Variants in NUP58 observed in about 807,000 individuals in gnomAD.
NUP58 encodes the protein nucleoporin 58, also known as nucleoporin p58/p45.
A neutral mutation model predicts 70.1 loss-of-function variants in NUP58; 17 were observed. That is an observed-to-expected ratio of 0.24 (90% confidence interval 0.17 to 0.36). The LOEUF (loss-of-function observed/expected upper bound fraction) is 0.36. Among genes scored for constraint, NUP58 ranks in the 10% least tolerant of loss-of-function variants. NUP58 has a pLI of 1.00. For missense variants in NUP58, 644 were observed against 701.5 expected (o/e 0.92, Z 0.93); for synonymous variants, 275 against 257.6 (o/e 1.07, Z -0.65).
chr13:25,327,329 A>G (rs2031434120), intron 11 of NUP58, 101 bp from the exon 12 acceptor site: 1 of 673,408 alleles, frequency 1.5e-6, no homozygotes, highest in South Asian at 2.3e-5. Flanking sequence ...TTTTTCTCCT[A>G]CACGTTAACT....
In NUP58 at chr13:25,340,162, A is replaced by G. The variant is rs777379832; in HGVS notation, c.*28A>G. Reference sequence around the variant, plus strand: ...ATGGGTTGATGTGTTGAGAGAATCCATAGCAGCACCGTTCATTCTATGAGT... The same window carrying G: ...ATGGGTTGATGTGTTGAGAGAATCCGTAGCAGCACCGTTCATTCTATGAGT... On this transcript the variant is annotated 3_prime_UTR_variant, in exon 16 of 16. Coordinates refer to ENST00000381736, the MANE Select transcript of NUP58 (RefSeq NM_014089.4). 4 of 1,565,386 alleles carry G rather than the reference A, an allele frequency of 2.6e-6. No individual in the cohort carries two copies. Among genetic ancestry groups the G allele is most frequent in the South Asian group, 2.4e-5 (2 of 84,070 alleles).
chr13:25,304,932 G>A (rs944324043), intron 1 of NUP58, among the ~76,000 whole-genome samples: 5 of 152,100 alleles, frequency 3.3e-5, no homozygotes, highest in African/African-American at 1.2e-4. Flanking sequence ...TACCAGCTAA[G>A]CTAAATGTTT....
At position 25,340,210 on chromosome 13, in the gene NUP58, A is replaced by T; in HGVS notation, c.*76A>T. 8.2e-7 allele frequency: 1 copy of T among 1,219,968 alleles called. No individual in the cohort carries two copies. Among genetic ancestry groups the T allele is most frequent in the Non-Finnish European group, 1.1e-6 (1 of 915,250 alleles). 75.6% of individuals were successfully genotyped at this position (1,219,968 alleles called of 1,614,324 possible). ...AGTCTATTTTTCTAATGATGCAGTA[A>T]TTAAATTGCATCCCAGGAGATTTAT... On this transcript the variant is annotated 3_prime_UTR_variant, in exon 16 of 16. Transcript: ENST00000381736.
intron 13 of NUP58, chr13:25,335,551 C>A: frequency 1.0e-6 from 1 of 984,124 alleles, no homozygotes; most frequent in Non-Finnish European, 1.2e-6. Context: ...ATTTTATTCT[C>A]AAAGTGATCT....
chr13:25,346,262 C>A (rs1436188626), downstream of NUP58, among the ~76,000 whole-genome samples: 2 of 152,064 alleles, frequency 1.3e-5, no homozygotes, highest in African/African-American at 4.8e-5. Context: ...TAGTGTTGTT[C>A]CTTTTTTTTA....
At chr13:25,337,077 T>G in intron 14 of NUP58, 43 bp downstream of exon 14, 1 of 1,372,480 alleles carries the variant, frequency 7.3e-7, no homozygotes. Context: ...CTATTATATA[T>G]TTGAATTGAT....
intron 3 of NUP58, among the ~76,000 whole-genome samples, chr13:25,310,325 A>G (rs771690161): frequency 1.4e-5 from 2 of 139,864 alleles, no homozygotes; most frequent in Non-Finnish European, 3.0e-5. Context: ...GGTTCAAGTG[A>G]TTCTCTTGCC....
At chr13:25,339,935 G>T (rs750434712) in intron 15 of NUP58, 30 bp from the exon 16 acceptor site, 2 of 1,530,596 alleles carry the variant, frequency 1.3e-6, no homozygotes, top group Non-Finnish European at 1.8e-6. Flanking sequence ...TTCAACTTCT[G>T]ATATGAATAT....
intron 12 of NUP58, among the ~76,000 whole-genome samples, chr13:25,330,760 A>G (rs1278626864): frequency 6.6e-6 from 1 of 152,108 alleles, no homozygotes; most frequent in Non-Finnish European, 1.5e-5. Flanking sequence ...CATAACTTTA[A>G]CATGAATCAA....
At chr13:25,327,292 T>C (rs573536777) in intron 11 of NUP58, 138 bp from the exon 12 acceptor site, 90 of 589,212 alleles carry the variant, frequency 1.5e-4, no homozygotes, top group Middle Eastern at 1.4e-3. Context: ...CTGTGTGTTC[T>C]CTGGCCATGA....
At chr13:25,310,453 C>T (rs2137731599) in intron 3 of NUP58, among the ~76,000 whole-genome samples, 1 of 150,452 alleles carries the variant, frequency 6.6e-6, no homozygotes, top group Non-Finnish European at 1.5e-5. Context: ...CTCCCAACCT[C>T]AGGTGATCCA....
chr13:25,315,314 T>C (rs376570996), intron 5 of NUP58, 43 bp from the exon 6 acceptor site: 9 of 1,376,152 alleles, frequency 6.5e-6, no homozygotes, highest in East Asian at 2.3e-5. Context: ...GGGAAATTGT[T>C]GTAGTCTTTT....
intron 13 of NUP58, chr13:25,336,277 G>A (rs1161741432): frequency 7.4e-7 from 1 of 1,358,652 alleles, no homozygotes; most frequent in African/African-American, 1.5e-5. Flanking sequence ...TTGTGAACAA[G>A]TTGGAATTGT....
intron 1 of NUP58, among the ~76,000 whole-genome samples, chr13:25,304,868 C>T (rs570492653): frequency 1.3e-5 from 2 of 151,992 alleles, no homozygotes; most frequent in East Asian, 1.9e-4. Flanking sequence ...ACTCATTTAC[C>T]CTACTCCACA....
At position 25,332,537 on chromosome 13, in the gene NUP58, C is replaced by A. The variant is rs114576175; in HGVS notation, c.1435+979C>A. ...GTCCAGTAGTACATTATAATACACA[C>A]AAAAAAATTAATACATATTTAGATT... is the stretch of plus-strand genomic sequence containing the variant. On this transcript the variant is annotated intron_variant, in intron 13 of 15. Transcript: ENST00000381736. The A allele has an allele frequency of 8.0e-4, 791 of 984,412 alleles. 6 individuals are homozygous for A. The African/African-American group carries it at 0.012, about 15-fold the overall frequency. 61.0% of individuals were successfully genotyped at this position (984,412 alleles called of 1,614,324 possible). A position where few individuals can be genotyped will look rare whatever the true frequency, so the allele number is the denominator to read the frequency against.
rs1372165183 is a variant in NUP58 at position 25,341,610 on chromosome 13, AATAACGCATAGGC to A, written c.*1479_*1491del. The A allele has an allele frequency of 6.6e-6, 1 of 152,644 alleles. No homozygotes were observed. The highest frequency in any genetic ancestry group is 2.4e-5 in the African/African-American group (1 of 41,452). 9.5% of individuals were successfully genotyped at this position (152,644 alleles called of 1,614,324 possible). ...TATAACAGTGAACAGAGCTCCAGGTAATAACGCATAGGCATGTCAGGTTGCATCTGTATATTTG... is the reference window on the plus strand; with the variant it reads ...TATAACAGTGAACAGAGCTCCAGGTAATGTCAGGTTGCATCTGTATATTTG... On this transcript the variant is annotated 3_prime_UTR_variant, in exon 16 of 16. Transcript: ENST00000381736.
At chr13:25,344,448 C>T (rs1163446610), downstream of NUP58, among the ~76,000 whole-genome samples, 2 of 152,176 alleles carry the variant, frequency 1.3e-5, no homozygotes, top group Non-Finnish European at 2.9e-5. Context: ...TGCACCAATA[C>T]CCCACTGCCT....
At chr13:25,332,531 T>A (rs973486292) in intron 13 of NUP58, 1 of 899,898 alleles carries the variant, frequency 1.1e-6, no homozygotes, top group Non-Finnish European at 1.3e-6. Context: ...TACATTATAA[T>A]ACACACAAAA....
At chr13:25,317,575 A>G (rs893382059) in intron 6 of NUP58, 4 of 152,208 alleles carry the variant, frequency 2.6e-5, no homozygotes, top group Non-Finnish European at 5.9e-5. Flanking sequence ...TTTACAAAAT[A>G]TAATAAAATG....
Sources: allele counts gnomAD v4.1 joint callset (sites outside exome capture counted in the v4.1 genomes callset), GRCh38; gene constraint gnomAD v4.1.1; transcripts MANE v1.5; gene names NCBI Gene and HGNC (gene_info 2026-07-23, HGNC 2026-07-21).